The following SERINC5 variants were observed in gnomAD, a reference collection of about 807,000 sequenced individuals.
SERINC5 encodes chromosome 5 open reading frame 12.
A neutral mutation model predicts 63.1 loss-of-function variants in SERINC5; 41 were observed. The observed-to-expected ratio is 0.65, with a 90% CI of 0.51 to 0.84. SERINC5 has a LOEUF of 0.84. SERINC5 is among the 40% of genes least tolerant of loss of function. SERINC5 has a pLI of 0.00. For missense variants in SERINC5, 523 were observed against 573.0 expected, an observed-to-expected ratio of 0.91 and a Z score of 0.89; for synonymous variants, 222 against 215.2, an observed-to-expected ratio of 1.03 and a Z score of -0.28.
chr5:80,177,378 G>T lies in SERINC5; in HGVS notation c.394C>A (p.Leu132Met). ...IHNGFWFFKLLLLGAMCSGAF... is the reference protein window; with the variant it reads ...IHNGFWFFKLMLLGAMCSGAF... The stretch of plus-strand genomic sequence containing the variant: ...CCTGAGCACATGGCCCCCAACAGCA[G>T]AAGTTTAAAGAACCAAAAGCTAGAA... The change falls in exon 4 of 12, where the codon CTG becomes ATG. Residue 132 changes from leucine to methionine, a missense_variant. Coordinates refer to ENST00000507668, the MANE Select transcript of SERINC5 (RefSeq NM_001174072.3). 2 of 1,613,386 alleles carry T rather than the reference G, an allele frequency of 1.2e-6. No homozygotes were observed. Among genetic ancestry groups the T allele is most frequent in the South Asian group, 1.1e-5 (1 of 91,062 alleles).
chr5:80,255,671 G>A (rs1007069809), intron 1 of SERINC5, among the ~76,000 whole-genome samples: 1 of 152,278 alleles, frequency 6.6e-6, no homozygotes, highest in East Asian at 1.9e-4. Flanking sequence ...GGCCGGACGG[G>A]AAGACCCCGG....
rs1749930101 is a variant in SERINC5, at chr5:80,202,881, C to CT, written c.195+4dup. ...ATAGGACGAGCTGAACACGGACAAA[C>CT]TTACGTGCTCTTTCATCTTGTGAGC... On this transcript the variant is annotated splice_donor_region_variant and intron_variant, in intron 2 of 11. Transcript: ENST00000507668. 6.2e-7 allele frequency: 1 copy of CT among 1,605,740 alleles called. No homozygotes were observed.
chr5:80,250,353 A>G (rs116714286), intron 1 of SERINC5, among the ~76,000 whole-genome samples: 2,264 of 152,072 alleles, frequency 0.015, 62 homozygotes, highest in African/African-American at 0.052. Flanking sequence ...CATTATTATT[A>G]TTTTTTGAAA....
chr5:80,251,784 C>T (rs1394601862), intron 1 of SERINC5, among the ~76,000 whole-genome samples: 1 of 131,004 alleles, frequency 7.6e-6, no homozygotes, highest in African/African-American at 2.8e-5. Context: ...CAACCACAGG[C>T]TTGATCCTCC....
intron 1 of SERINC5, among the ~76,000 whole-genome samples, chr5:80,221,322 A>G (rs939739390): frequency 1.3e-5 from 2 of 152,214 alleles, no homozygotes; most frequent in Admixed American, 6.5e-5. Context: ...CACGCCACAC[A>G]CCCAACAGCC....
chr5:80,200,994 G>C (rs1462757921), intron 2 of SERINC5, among the ~76,000 whole-genome samples: 1 of 152,120 alleles, frequency 6.6e-6, no homozygotes, highest in Admixed American at 6.5e-5. Flanking sequence ...AACTACTCGG[G>C]AGGCTGAGGT....
intron 1 of SERINC5, among the ~76,000 whole-genome samples, chr5:80,229,854 G>A (rs1417829256): frequency 6.6e-6 from 1 of 152,182 alleles, no homozygotes; most frequent in Non-Finnish European, 1.5e-5. Flanking sequence ...GACAACAGTA[G>A]TTCCTACATC....
At chr5:80,201,381 C>A (rs1321556891) in intron 2 of SERINC5, among the ~76,000 whole-genome samples, 1 of 152,222 alleles carries the variant, frequency 6.6e-6, no homozygotes, top group East Asian at 1.9e-4. Flanking sequence ...AGGGAACACG[C>A]CTGCTGCTCT....
intron 4 of SERINC5, 116 bp from the exon 5 acceptor site, chr5:80,175,163 C>A (rs547302571): frequency 4.8e-6 from 3 of 630,136 alleles, no homozygotes; most frequent in African/African-American, 1.8e-5. Context: ...ATTTGTCACA[C>A]AACCATATAA....
chr5:80,137,156 A>C (rs59816457), downstream of SERINC5, among the ~76,000 whole-genome samples: 3,191 of 104,376 alleles, frequency 0.031, 119 homozygotes, highest in African/African-American at 0.1. Flanking sequence ...AAAAAAAAAA[A>C]AAAAAAACAA....
intron 11 of SERINC5, among the ~76,000 whole-genome samples, chr5:80,122,653 T>C (rs1744593944): frequency 6.6e-6 from 1 of 152,224 alleles, no homozygotes; most frequent in African/African-American, 2.4e-5. Context: ...AGAGATGATC[T>C]GGGTGATCCT....
chr5:80,221,882 C>CA (rs1233999718), intron 1 of SERINC5, among the ~76,000 whole-genome samples: 15 of 151,534 alleles, frequency 9.9e-5, no homozygotes, highest in Admixed American at 9.9e-4. Flanking sequence ...CACGGTGGTT[C>CA]ACGCCTATAA....
chr5:80,188,384 G>A (rs1748966572), intron 2 of SERINC5, among the ~76,000 whole-genome samples: 2 of 151,406 alleles, frequency 1.3e-5, no homozygotes, highest in South Asian at 2.1e-4. Context: ...GCCAAAATGT[G>A]TAAATTACAA....
At chr5:80,216,694 T>C (rs1750681757) in intron 1 of SERINC5, among the ~76,000 whole-genome samples, 2 of 149,982 alleles carry the variant, frequency 1.3e-5, no homozygotes, top group Non-Finnish European at 3.0e-5. Flanking sequence ...AAAGTACCCA[T>C]TGGGTTTTAA....
chr5:80,238,511 A>G (rs945017509), intron 1 of SERINC5, among the ~76,000 whole-genome samples: 3 of 152,082 alleles, frequency 2.0e-5, no homozygotes, highest in Non-Finnish European at 4.4e-5. Context: ...AGAGCCAGGC[A>G]TGGTGGCGCA....
intron 5 of SERINC5, among the ~76,000 whole-genome samples, chr5:80,174,494 C>T (rs900245473): frequency 6.6e-6 from 1 of 151,860 alleles, no homozygotes; most frequent in Non-Finnish European, 1.5e-5. Flanking sequence ...AGGATCATCT[C>T]CTTCTCAAGA....
At chr5:80,194,704 G>A (rs1749397547) in intron 2 of SERINC5, among the ~76,000 whole-genome samples, 1 of 152,152 alleles carries the variant, frequency 6.6e-6, no homozygotes, top group Non-Finnish European at 1.5e-5. Flanking sequence ...ATTTCCAAAA[G>A]TAATACTTCT....
At chr5:80,121,424 A>T (rs1472527163) in intron 11 of SERINC5, among the ~76,000 whole-genome samples, 1 of 152,052 alleles carries the variant, frequency 6.6e-6, no homozygotes, top group Non-Finnish European at 1.5e-5. Flanking sequence ...TCCCCTAGTT[A>T]TTCACAAAAA....
Position 80,140,879 on chromosome 5 carries a change from G to A in SERINC5, c.*2784C>T. 1 of 985,282 alleles carries A rather than the reference G, an allele frequency of 1.0e-6. No individual in the cohort carries two copies. Among genetic ancestry groups the A allele is most frequent in the Non-Finnish European group, 1.2e-6 (1 of 829,898 alleles). The allele number at this position is 985,282 out of a possible 1,614,324, so 61.0% of individuals were successfully genotyped here. ...TAAATGTGTCTGACCAGCAGCTTCT[G>A]GGAATATACTCTTTAGGTCATGTAC... On this transcript the variant is annotated 3_prime_UTR_variant, in exon 12 of 12. Transcript: ENST00000507668.
Sources: gnomAD v4.1 joint callset for allele counts (sites outside exome capture counted in the v4.1 genomes callset) on GRCh38, gnomAD v4.1.1 for gene constraint, MANE v1.5 for transcripts, NCBI Gene and HGNC (gene_info 2026-07-23, HGNC 2026-07-21) for gene names.